BCL2L13: variants seen among roughly 807,000 people sequenced by gnomAD.
BCL2L13 encodes BCL2 like 13.
BCL2L13 carries 13 observed loss-of-function variants against 25.8 expected under a neutral mutation model. The ratio of observed to expected loss-of-function variants is 0.50; its 90% CI spans 0.33 to 0.80. The LOEUF (loss-of-function observed/expected upper bound fraction) is 0.80. BCL2L13 is among the 30% of genes least tolerant of loss of function. BCL2L13 has a pLI of 0.02. For synonymous variants in BCL2L13, 244 were observed against 230.3 expected, an observed-to-expected ratio of 1.06 and a Z score of -0.54; for missense variants, 504 against 574.9, an observed-to-expected ratio of 0.88 and a Z score of 1.26.
intron 2 of BCL2L13, among the ~76,000 whole-genome samples, chr22:17,673,939 T>C (rs532401683): frequency 5.4e-4 from 83 of 152,320 alleles, no homozygotes; most frequent in Non-Finnish European, 9.7e-4. Flanking sequence ...ACTCTAAGTT[T>C]TTATCATAGT....
intron 2 of BCL2L13, among the ~76,000 whole-genome samples, chr22:17,676,291 A>G (rs1334586997): frequency 9.3e-6 from 1 of 107,834 alleles, no homozygotes; most frequent in Admixed American, 1.0e-4. Context: ...GCAGAACCCT[A>G]TCTCTACTAA....
chr22:17,645,493 A>G (rs2058442765), intron 1 of BCL2L13, among the ~76,000 whole-genome samples: 1 of 151,184 alleles, frequency 6.6e-6, no homozygotes, highest in Non-Finnish European at 1.5e-5. Flanking sequence ...AAGTGCTGGG[A>G]AGTATAGGCG....
chr22:17,662,283 C>G (rs2059094400), intron 2 of BCL2L13, among the ~76,000 whole-genome samples: 1 of 152,088 alleles, frequency 6.6e-6, no homozygotes, highest in Admixed American at 6.6e-5. Context: ...TCGAGACCAT[C>G]CTGGCTAACA....
chr22:17,639,854 TTC>T (rs2058207326), intron 1 of BCL2L13, among the ~76,000 whole-genome samples: 1 of 141,252 alleles, frequency 7.1e-6, no homozygotes. Context: ...GATACCTTCT[TTC>T]TTTTTTTTTT....
At chr22:17,708,488 T>A (rs2060652640) in intron 6 of BCL2L13, among the ~76,000 whole-genome samples, 5 of 152,222 alleles carry the variant, frequency 3.3e-5, no homozygotes, top group Admixed American at 2.6e-4. Context: ...AGCATTGTTG[T>A]GAGGTTTCAA....
At chr22:17,695,720 ATG>A (rs543694787) in intron 4 of BCL2L13, 1 of 153,324 alleles carries the variant, frequency 6.5e-6, no homozygotes, top group African/African-American at 2.4e-5. Context: ...TTCCAGTGAC[ATG>A]TCTCTTTAGT....
intron 1 of BCL2L13, among the ~76,000 whole-genome samples, chr22:17,632,375 A>G (rs932758684): frequency 7.2e-5 from 11 of 152,194 alleles, no homozygotes; most frequent in South Asian, 4.1e-4. Flanking sequence ...AACTGATGCA[A>G]TTGACCTTAA....
At position 17,680,526 on chromosome 22, in the gene BCL2L13, AAAAAAAAAAAAAAAAG is replaced by A. The variant is rs1463791421; in HGVS notation, c.122-2680_122-2665del. Among the ~76,000 whole-genome samples, 65 of 96,964 alleles carry A rather than the reference AAAAAAAAAAAAAAAAG, an allele frequency of 6.7e-4. 2 individuals are homozygous for A. The highest frequency in any genetic ancestry group is 2.6e-3 in the East Asian group (12 of 4,636). The allele number at this position is 96,964 out of a possible 152,430, so 63.6% of individuals were successfully genotyped here. ...GACTCTGTCTCAAAAAAAAAAAAAA[AAAAAAAAAAAAAAAAG>A]AAAAAAAGACTCATACCTAGAAAGG... On this transcript the variant is annotated intron_variant, in intron 2 of 6. Coordinates refer to ENST00000317582, the MANE Select transcript of BCL2L13 (RefSeq NM_015367.4).
At chr22:17,693,380 T>TAG (rs993025922) in intron 4 of BCL2L13, among the ~76,000 whole-genome samples, 5 of 109,864 alleles carry the variant, frequency 4.6e-5, no homozygotes, top group African/African-American at 1.5e-4. Flanking sequence ...TTGTTTTTTT[T>TAG]TTTTTTTTTT....
At position 17,724,333 on chromosome 22, in the gene BCL2L13, T is replaced by C. The variant is rs576615013; in HGVS notation, c.601-2344T>C. ...CATCCCCATTTTATTTGTGAAGAAATTGAAGTCTAAAAGTTTAAGCAAGGT... is the reference window on the plus strand; with the variant it reads ...CATCCCCATTTTATTTGTGAAGAAACTGAAGTCTAAAAGTTTAAGCAAGGT... On this transcript the variant is annotated intron_variant, in intron 6 of 6. Transcript: ENST00000317582. Among the ~76,000 whole-genome samples, 79 of 152,244 alleles carry C rather than the reference T, an allele frequency of 5.2e-4. 1 individual carries two copies. The highest frequency in any genetic ancestry group is 9.4e-4 in the Non-Finnish European group (64 of 68,012).
intron 6 of BCL2L13, among the ~76,000 whole-genome samples, chr22:17,713,693 C>T (rs2060827525): frequency 6.6e-6 from 1 of 151,690 alleles, no homozygotes; most frequent in African/African-American, 2.4e-5. Context: ...ATCTCTTGAC[C>T]TCGTGATCCA....
At chr22:17,688,960 A>C in intron 3 of BCL2L13, 26 bp from the exon 4 acceptor site, 1 of 1,601,566 alleles carries the variant, frequency 6.2e-7, no homozygotes, top group South Asian at 1.1e-5. Context: ...TTATTATATT[A>C]GGTTTTTCTT....
intron 1 of BCL2L13, among the ~76,000 whole-genome samples, chr22:17,629,784 AT>A (rs2146330115): frequency 6.6e-6 from 1 of 151,690 alleles, no homozygotes; most frequent in Admixed American, 6.6e-5. Flanking sequence ...AATTGTTAAC[AT>A]TTTGCTACAT....
chr22:17,642,739 A>T (rs1191875393), intron 1 of BCL2L13, among the ~76,000 whole-genome samples: 1 of 151,904 alleles, frequency 6.6e-6, no homozygotes, highest in Non-Finnish European at 1.5e-5. Context: ...GATTATGGGC[A>T]CACACCACCA....
intron 2 of BCL2L13, among the ~76,000 whole-genome samples, chr22:17,671,679 C>T (rs1034310168): frequency 6.6e-6 from 1 of 152,008 alleles, no homozygotes; most frequent in Non-Finnish European, 1.5e-5. Flanking sequence ...ATCTTTATGC[C>T]TTAGCCTCCC....
chr22:17,683,354 C>G, intron 3 of BCL2L13, 33 bp downstream of exon 3: 6 of 1,267,024 alleles, frequency 4.7e-6, no homozygotes, highest in South Asian at 1.3e-5. Context: ...AGTTAATAAG[C>G]AGATTGTGTT....
intron 1 of BCL2L13, among the ~76,000 whole-genome samples, chr22:17,653,791 A>T (rs926390045): frequency 1.3e-5 from 2 of 151,740 alleles, no homozygotes; most frequent in Non-Finnish European, 2.9e-5. Context: ...AGCATGAGCC[A>T]CTGTGCCAAC....
At chr22:17,636,038 G>T (rs1180173569), upstream of BCL2L13, among the ~76,000 whole-genome samples, 2 of 152,014 alleles carry the variant, frequency 1.3e-5, no homozygotes, top group Non-Finnish European at 2.9e-5. Flanking sequence ...AAGTAGCCAT[G>T]TGTGGCCTGG....
chr22:17,682,413 A>G (rs2059783376), intron 2 of BCL2L13, among the ~76,000 whole-genome samples: 1 of 152,212 alleles, frequency 6.6e-6, no homozygotes, highest in Non-Finnish European at 1.5e-5. Flanking sequence ...GAAGTATATC[A>G]TCTAAAAATG....
Sources: allele counts gnomAD v4.1 joint callset (sites outside exome capture counted in the v4.1 genomes callset), GRCh38; gene constraint gnomAD v4.1.1; transcripts MANE v1.5; gene names NCBI Gene and HGNC (gene_info 2026-07-23, HGNC 2026-07-21).